SLC41A2: variants seen among roughly 807,000 people sequenced by gnomAD.
The protein encoded by SLC41A2 is SLC41A1-like 1.
SLC41A2 carries 32 observed loss-of-function variants against 58.3 expected under a neutral mutation model. That is an observed-to-expected ratio of 0.55 (90% confidence interval 0.41 to 0.74). The LOEUF (loss-of-function observed/expected upper bound fraction) is 0.74. Among genes scored for constraint, SLC41A2 ranks in the 30% least tolerant of loss-of-function variants. SLC41A2 has a pLI of 0.00. For missense variants in SLC41A2, 514 were observed against 680.6 expected, an observed-to-expected ratio of 0.76 and a Z score of 2.72; for synonymous variants, 190 against 235.0, an observed-to-expected ratio of 0.81 and a Z score of 1.75.
chr12:104,875,437 A>G (rs977105385), intron 6 of SLC41A2, among the ~76,000 whole-genome samples: 4 of 152,094 alleles, frequency 2.6e-5, no homozygotes, highest in African/African-American at 9.7e-5. Context: ...ACACCTCACT[A>G]GTTTTGTTTT....
At chr12:104,865,769 C>G (rs146175699) in intron 7 of SLC41A2, among the ~76,000 whole-genome samples, 2 of 152,210 alleles carry the variant, frequency 1.3e-5, no homozygotes, top group Non-Finnish European at 2.9e-5. Context: ...CTAGGTTGTT[C>G]TTCTCATCAG....
At chr12:104,865,893 C>T (rs1392060699) in intron 7 of SLC41A2, among the ~76,000 whole-genome samples, 1 of 152,006 alleles carries the variant, frequency 6.6e-6, no homozygotes, top group East Asian at 1.9e-4. Flanking sequence ...TATTGCAAGA[C>T]CTTTATGTTG....
At chr12:104,825,757 T>C (rs2041819730) in intron 10 of SLC41A2, among the ~76,000 whole-genome samples, 2 of 152,116 alleles carry the variant, frequency 1.3e-5, no homozygotes, top group Non-Finnish European at 2.9e-5. Context: ...GTGCGAGGGA[T>C]TCAAAGCCAG....
intron 8 of SLC41A2, among the ~76,000 whole-genome samples, chr12:104,858,394 C>A (rs1484167006): frequency 6.6e-6 from 1 of 151,974 alleles, no homozygotes; most frequent in Admixed American, 6.6e-5. Flanking sequence ...AGACCTTAGA[C>A]AATCTACTGA....
At chr12:104,914,118 C>A (rs1367035040) in intron 2 of SLC41A2, among the ~76,000 whole-genome samples, 1 of 152,096 alleles carries the variant, frequency 6.6e-6, no homozygotes, top group African/African-American at 2.4e-5. Context: ...AGTTCCCAAA[C>A]TTTCTCAGTT....
chr12:104,944,952 C>T (rs780176913), intron 1 of SLC41A2, among the ~76,000 whole-genome samples: 8 of 151,160 alleles, frequency 5.3e-5, no homozygotes, highest in Non-Finnish European at 8.8e-5. Context: ...GGGCATATCA[C>T]GTGAGGTCAG....
chr12:104,834,037 T>C (rs1434235600), intron 10 of SLC41A2: 3 of 985,264 alleles, frequency 3.0e-6, no homozygotes, highest in Non-Finnish European at 3.6e-6. Context: ...TGGTTCTACC[T>C]TCACCTTTAT....
intron 8 of SLC41A2, among the ~76,000 whole-genome samples, chr12:104,858,311 GA>G (rs1034299683): frequency 2.0e-5 from 3 of 148,268 alleles, no homozygotes; most frequent in Non-Finnish European, 3.0e-5. Flanking sequence ...CATATTTTGA[GA>G]AAAAAAAAAT....
chr12:104,868,910 C>G (rs146422212), intron 6 of SLC41A2, among the ~76,000 whole-genome samples: 2 of 152,106 alleles, frequency 1.3e-5, no homozygotes. Context: ...CAAATGATTA[C>G]TTTTACATAC....
intron 1 of SLC41A2, among the ~76,000 whole-genome samples, chr12:104,932,722 A>C (rs955025147): frequency 4.6e-5 from 7 of 151,990 alleles, no homozygotes; most frequent in African/African-American, 1.4e-4. Flanking sequence ...AAAGAACCCA[A>C]AAATAAAGCC....
chr12:104,808,669 G>A (rs1241020448), intron 10 of SLC41A2, among the ~76,000 whole-genome samples: 10 of 152,128 alleles, frequency 6.6e-5, no homozygotes, highest in South Asian at 2.1e-4. Context: ...TACCTCTGGT[G>A]GAATTCGGCT....
intron 9 of SLC41A2, among the ~76,000 whole-genome samples, chr12:104,845,393 G>GT (rs1476955036): frequency 6.6e-6 from 1 of 152,166 alleles, no homozygotes; most frequent in African/African-American, 2.4e-5. Context: ...TGTGGTCTTA[G>GT]TTTTTTGGTA....
At chr12:104,894,405 AAAGAG>A (rs571085128) in intron 4 of SLC41A2, among the ~76,000 whole-genome samples, 41 of 152,224 alleles carry the variant, frequency 2.7e-4, no homozygotes, top group Middle Eastern at 3.4e-3. Context: ...AAAATAAATA[AAAGAG>A]AAAAGTGAAG....
At chr12:104,842,393 A>G (rs2042445632) in intron 10 of SLC41A2, among the ~76,000 whole-genome samples, 1 of 152,146 alleles carries the variant, frequency 6.6e-6, no homozygotes, top group Non-Finnish European at 1.5e-5. Context: ...AATGAAAAGC[A>G]AAGCCCATAA....
chr12:104,923,507 G>A (rs2046700293), intron 2 of SLC41A2, among the ~76,000 whole-genome samples: 1 of 151,332 alleles, frequency 6.6e-6, no homozygotes, highest in Non-Finnish European at 1.5e-5. Flanking sequence ...ATGAAATTCA[G>A]ACTAAAAAAA....
rs1180175111 is a variant in SLC41A2 at position 104,803,677 on chromosome 12, G to C, written c.*1475C>G. 1 of 152,012 alleles carries C rather than the reference G, an allele frequency of 6.6e-6. No individual in the cohort carries two copies. Among genetic ancestry groups the C allele is most frequent in the African/African-American group, 2.4e-5 (1 of 41,386 alleles). The allele number at this position is 152,012 out of a possible 1,614,324, so 9.4% of individuals were successfully genotyped here. A position where few individuals can be genotyped will look rare whatever the true frequency, so the allele number is the denominator to read the frequency against. ...AATGAACCACATGTACTTTAAAAAT[G>C]GTTACCTATTCAATAACTAAGGTGT... On this transcript the variant is annotated 3_prime_UTR_variant, in exon 11 of 11. Coordinates refer to ENST00000258538, the MANE Select transcript of SLC41A2 (RefSeq NM_001352171.3).
chr12:104,880,708 T>C (rs917428382), intron 6 of SLC41A2, among the ~76,000 whole-genome samples: 3 of 152,204 alleles, frequency 2.0e-5, no homozygotes, highest in Non-Finnish European at 4.4e-5. Context: ...TGCTGCTGGA[T>C]TCGTTTTGCC....
intron 6 of SLC41A2, among the ~76,000 whole-genome samples, chr12:104,874,695 T>C (rs1450581326): frequency 1.3e-5 from 2 of 152,204 alleles, no homozygotes; most frequent in African/African-American, 4.8e-5. Context: ...GGGCTCTCTA[T>C]CCTGTTCCAC....
chr12:104,887,276 C>T (rs1202800761), intron 5 of SLC41A2, among the ~76,000 whole-genome samples: 1 of 151,894 alleles, frequency 6.6e-6, no homozygotes, highest in Non-Finnish European at 1.5e-5. Flanking sequence ...AATCTCACAG[C>T]ACTTTTAGAG....
Sources: gnomAD v4.1 joint callset for allele counts (sites outside exome capture counted in the v4.1 genomes callset) on GRCh38, gnomAD v4.1.1 for gene constraint, MANE v1.5 for transcripts, NCBI Gene and HGNC (gene_info 2026-07-23, HGNC 2026-07-21) for gene names.